DAG1: variants seen among roughly 807,000 people sequenced by gnomAD.
DAG1 encodes the protein dystroglycan 1 (dystrophin-associated glycoprotein 1).
DAG1 carries 8 observed loss-of-function variants against 46.1 expected under a neutral mutation model. That is an observed-to-expected ratio of 0.17 (90% CI 0.10 to 0.31). The LOEUF is 0.31. Among genes scored for constraint, DAG1 ranks in the 10% least tolerant of loss-of-function variants. DAG1 has a pLI of 1.00. For synonymous variants in DAG1, 495 were observed against 481.8 expected, an observed-to-expected ratio of 1.03 and a Z score of -0.36; for missense variants, 1,003 against 1,189.9, an observed-to-expected ratio of 0.84 and a Z score of 2.31.
Position 49,532,080 on chromosome 3 carries a change from C to A in DAG1, c.1569C>A (p.Phe523Leu). ...AGGTGAAGATCCCGTCAGACACTTT[C>A]TATGACCATGAGGACACCACCACTG... ...YFEVKIPSDTFYDHEDTTTDK... is the reference protein window; with the variant it reads ...YFEVKIPSDTLYDHEDTTTDK... The change falls in exon 3 of 3, where the codon TTC becomes TTA. Residue 523 changes from phenylalanine (F) to leucine (L), a missense_variant. By Grantham distance (22) the Phe-to-Leu change is conservative. Coordinates refer to ENST00000308775, the MANE Select transcript of DAG1 (RefSeq NM_004393.6). This position sits in a 1 kb window ranked among gnomAD's most constrained non-coding sequence, Gnocchi z 5.4. The A allele has an allele frequency of 6.2e-7, 1 of 1,614,200 alleles. No individual in the cohort carries two copies. The highest frequency in any genetic ancestry group is 1.6e-4 in the Middle Eastern group (1 of 6,062).
chr3:49,469,017 T>A (rs184908276), upstream of DAG1: 2 of 152,266 alleles, frequency 1.3e-5, no homozygotes, highest in East Asian at 3.9e-4. Context: ...TGAATGAGGT[T>A]TGGAGCCGAG....
intron 1 of DAG1, among the ~76,000 whole-genome samples, chr3:49,507,369 C>T (rs917201448): frequency 6.6e-6 from 1 of 152,022 alleles, no homozygotes; most frequent in Admixed American, 6.6e-5. Flanking sequence ...TCAAGACCAG[C>T]CTGGTCAACG....
intron 1 of DAG1, among the ~76,000 whole-genome samples, chr3:49,493,452 A>G (rs2050238232): frequency 1.3e-5 from 2 of 152,206 alleles, no homozygotes; most frequent in South Asian, 4.1e-4. Context: ...ATGATCAAAG[A>G]TCACAGAAAA....
chr3:49,520,189 A>C (rs532221434), intron 2 of DAG1, among the ~76,000 whole-genome samples: 22 of 152,204 alleles, frequency 1.4e-4, no homozygotes, highest in Non-Finnish European at 2.8e-4. Context: ...GGTCTGTGCC[A>C]TCTCCCTGCA....
At chr3:49,487,953 C>T (rs1559552138) in intron 1 of DAG1, among the ~76,000 whole-genome samples, 4 of 151,984 alleles carry the variant, frequency 2.6e-5, no homozygotes, top group Admixed American at 6.6e-5. Flanking sequence ...CTGCCCGCCT[C>T]GGCTTCCCAA....
In DAG1 at chr3:49,532,303, C is replaced by G; in HGVS notation, c.1792C>G (p.Arg598Gly). The G allele has an allele frequency of 1.2e-6, 2 of 1,614,138 alleles. No individual in the cohort carries two copies. Among genetic ancestry groups the G allele is most frequent in the South Asian group, 2.2e-5 (2 of 91,090 alleles). The change falls in exon 3 of 3, where the codon CGC becomes GGC. Residue 598 changes from arginine (R) to glycine (G), a missense_variant. By Grantham distance (125) the Arg-to-Gly change is moderately radical (BLOSUM62 -2). Coordinates refer to ENST00000308775, the MANE Select transcript of DAG1 (RefSeq NM_004393.6). The surrounding 1 kb of genome is among the most constrained non-coding windows in gnomAD (Gnocchi z 5.4). Reference protein sequence around the residue: ...VDAFEIHVHRRPQGDRAPARF... With the variant: ...VDAFEIHVHRGPQGDRAPARF... ...TGCCTTCGAGATCCACGTCCACAGGCGCCCCCAAGGGGATAGGGCTCCTGC... is the reference window on the plus strand; with the variant it reads ...TGCCTTCGAGATCCACGTCCACAGGGGCCCCCAAGGGGATAGGGCTCCTGC...
At chr3:49,474,774 T>C (rs1182165513) in intron 1 of DAG1, among the ~76,000 whole-genome samples, 1 of 151,736 alleles carries the variant, frequency 6.6e-6, no homozygotes, top group Non-Finnish European at 1.5e-5. Flanking sequence ...TGAGCCACCA[T>C]GCCTGGCCTT....
intron 1 of DAG1, among the ~76,000 whole-genome samples, chr3:49,492,295 CATAAA>C (rs1218801447): frequency 6.6e-6 from 1 of 152,298 alleles, no homozygotes; most frequent in South Asian, 2.1e-4. Flanking sequence ...CATAACAATA[CATAAA>C]ATAAATGTTT....
intron 2 of DAG1, among the ~76,000 whole-genome samples, chr3:49,526,562 A>G (rs1274747049): frequency 1.3e-5 from 2 of 152,006 alleles, no homozygotes; most frequent in South Asian, 2.1e-4. Context: ...AAAAAGAAAA[A>G]AAAAATTAGC....
Position 49,530,932 on chromosome 3 carries a change from A to G in DAG1, c.421A>G (p.Asn141Asp), listed in dbSNP as rs756888409. Residue 141 changes from asparagine to aspartate, a missense_variant, in exon 3 of 3, where the codon AAC becomes GAC. Physicochemically the swap from Asn to Asp is conservative, Grantham distance 23. Around this residue, in one of 3 missense-constraint regions of DAG1, gnomAD observed 196 missense variants for 239.1 expected, o/e 0.82. Transcript: ENST00000308775. ...ISVSATRLGANGSHIPQTSSV... is the reference protein window; with the variant it reads ...ISVSATRLGADGSHIPQTSSV... ...AGTGAGCGCTACACGGCTGGGGGCC[A>G]ACGGGAGCCACATCCCCCAGACCTC... The G allele has an allele frequency of 1.2e-6, 2 of 1,614,134 alleles. No homozygotes were observed. The highest frequency in any genetic ancestry group is 1.7e-6 in the Non-Finnish European group (2 of 1,180,014).
intron 2 of DAG1, among the ~76,000 whole-genome samples, chr3:49,514,165 C>A (rs2050832631): frequency 6.6e-6 from 1 of 152,104 alleles, no homozygotes; most frequent in South Asian, 2.1e-4. Flanking sequence ...GTCTTAACCA[C>A]CGGGATTATA....
At chr3:49,502,925 C>T (rs769768964) in intron 1 of DAG1, among the ~76,000 whole-genome samples, 1 of 152,196 alleles carries the variant, frequency 6.6e-6, no homozygotes, top group Non-Finnish European at 1.5e-5. Context: ...GCATGAGTCA[C>T]CGCGCCCGGC....
chr3:49,508,145 G>C (rs542253825), intron 1 of DAG1, among the ~76,000 whole-genome samples: 29 of 145,682 alleles, frequency 2.0e-4, no homozygotes, highest in Non-Finnish European at 4.5e-5. Flanking sequence ...GTTTCATTGG[G>C]GTTTTTTGCT....
In DAG1 at chr3:49,532,981, G is replaced by T. The variant is rs1050090; in HGVS notation, c.2470G>T (p.Ala824Ser). 6.2e-7 allele frequency: 1 copy of T among 1,613,968 alleles called. No homozygotes were observed. The highest frequency in any genetic ancestry group is 8.5e-7 in the Non-Finnish European group (1 of 1,179,996). Reference protein sequence around the residue: ...SMPLILQEEKAPLPPPEYPNQ... With the variant: ...SMPLILQEEKSPLPPPEYPNQ... ...GCCACTCATTCTGCAGGAGGAGAAG[G>T]CTCCCCTACCCCCTCCTGAGTACCC... The change falls in exon 3 of 3, where the codon GCT (alanine) becomes TCT (serine). Residue 824 changes from alanine (A) to serine (S), a missense_variant. Physicochemically the swap from Ala to Ser is moderately conservative, Grantham distance 99 (BLOSUM62 1). Around this residue, in one of 3 missense-constraint regions of DAG1, gnomAD observed 755 missense variants for 854.1 expected, o/e 0.88. Coordinates refer to ENST00000308775, the MANE Select transcript of DAG1 (RefSeq NM_004393.6). The surrounding 1 kb of genome is among the most constrained non-coding windows in gnomAD (Gnocchi z 5.4).
chr3:49,481,373 G>A (rs1259711608), intron 1 of DAG1, among the ~76,000 whole-genome samples: 2 of 146,852 alleles, frequency 1.4e-5, no homozygotes, highest in Non-Finnish European at 3.0e-5. Context: ...CTCCAGCCTG[G>A]GCGACAGAGT....
At chr3:49,487,692 CTTTT>C (rs10686005) in intron 1 of DAG1, among the ~76,000 whole-genome samples, 11 of 105,712 alleles carry the variant, frequency 1.0e-4, no homozygotes, top group East Asian at 2.9e-4. Flanking sequence ...CCCATACATT[CTTTT>C]TTTTTTTTTT....
At chr3:49,515,493 C>G (rs538249588) in intron 2 of DAG1, among the ~76,000 whole-genome samples, 1 of 151,260 alleles carries the variant, frequency 6.6e-6, no homozygotes, top group Non-Finnish European at 1.5e-5. Context: ...TTAAGCAATC[C>G]TCTCACCTCA....
chr3:49,482,027 C>T lies in DAG1; in HGVS notation c.-117+11594C>T, dbSNP rs148044975. 9.2e-5 allele frequency among the ~76,000 whole-genome samples: 14 copies of T among 152,266 alleles called. No individual in the cohort carries two copies. The East Asian group carries it at 2.7e-3, about 29-fold the overall frequency. The stretch of plus-strand genomic sequence containing the variant: ...AGAACAACTATTTTCATACCATTTA[C>T]ATTGTATTATGTGTTATAAGTAATC... On this transcript the variant is annotated intron_variant, in intron 1 of 2. Coordinates refer to ENST00000308775, the MANE Select transcript of DAG1 (RefSeq NM_004393.6).
chr3:49,523,180 A>C (rs947515730), intron 2 of DAG1, among the ~76,000 whole-genome samples: 2 of 152,190 alleles, frequency 1.3e-5, no homozygotes, highest in Admixed American at 6.5e-5. Context: ...TCTTTATACC[A>C]GGCAAACCAA....
Sources: gnomAD v4.1 joint callset for allele counts (sites outside exome capture counted in the v4.1 genomes callset) on GRCh38, gnomAD v4.1.1 for gene constraint, gnomAD v4.1.1 regional missense constraint, Gnocchi (gnomAD v3.1) non-coding constraint, MANE v1.5 for transcripts, NCBI Gene and HGNC (gene_info 2026-07-23, HGNC 2026-07-21) for gene names.